Variants in FAM3D observed in about 807,000 individuals in gnomAD.
FAM3D encodes protein FAM3D.
A neutral mutation model predicts 29.8 loss-of-function variants in FAM3D; 26 were observed. The ratio of observed to expected loss-of-function variants is 0.87; its 90% CI spans 0.64 to 1.21. The LOEUF is 1.21. Ranked by LOEUF, FAM3D falls within the 50% of genes most tolerant of loss-of-function variation. The pLI, the probability that FAM3D is intolerant of heterozygous loss-of-function variation, is 0.00. For missense variants in FAM3D, 253 were observed against 290.9 expected (o/e 0.87, Z 0.95); for synonymous variants, 115 against 102.3 (o/e 1.12, Z -0.75).
rs759433269 is a variant in FAM3D, at chr3:58,655,573, G to T, written c.-10C>A. ...TACCTGACACTCTCATCCTGTCCAG[G>T]TGAAGGGTGGCTTGGGGTCAGCTTC... On this transcript the variant is annotated 5_prime_UTR_variant, in exon 2 of 10. Coordinates refer to ENST00000358781, the MANE Select transcript of FAM3D (RefSeq NM_138805.3). The T allele has an allele frequency of 1.9e-6, 3 of 1,613,216 alleles. No homozygotes were observed. The South Asian group carries it at 3.3e-5, about 18-fold the overall frequency.
chr3:58,651,431 C>T (rs1416715523), intron 3 of FAM3D, among the ~76,000 whole-genome samples: 1 of 152,128 alleles, frequency 6.6e-6, no homozygotes, highest in Non-Finnish European at 1.5e-5. Flanking sequence ...CATTTCCTGC[C>T]ATTGTAAACA....
At chr3:58,659,868 A>G (rs1026952) in intron 1 of FAM3D, among the ~76,000 whole-genome samples, 60,285 of 151,944 alleles carry the variant, frequency 0.4, 12,913 homozygotes, top group Middle Eastern at 0.51. Flanking sequence ...AGACTCTAGG[A>G]CCTAACTAGT....
chr3:58,665,295 C>G (rs371218729), intron 1 of FAM3D, among the ~76,000 whole-genome samples: 1 of 151,972 alleles, frequency 6.6e-6, no homozygotes, highest in East Asian at 1.9e-4. Context: ...GCTACTACCC[C>G]TTTCCTGCTT....
chr3:58,652,363 C>T (rs1484231662), intron 3 of FAM3D, among the ~76,000 whole-genome samples: 1 of 140,934 alleles, frequency 7.1e-6, no homozygotes, highest in African/African-American at 2.6e-5. Context: ...AGCATCCTTC[C>T]ACCTGTCCAT....
intron 1 of FAM3D, among the ~76,000 whole-genome samples, chr3:58,665,263 C>G (rs868098185): frequency 3.3e-5 from 5 of 152,076 alleles, no homozygotes; most frequent in Admixed American, 6.5e-5. Flanking sequence ...AACAACCTCA[C>G]TGACTTCACC....
intron 5 of FAM3D, 70 bp from the exon 6 acceptor site, chr3:58,643,790 G>A: frequency 6.9e-7 from 1 of 1,455,332 alleles, no homozygotes; most frequent in Non-Finnish European, 9.7e-7. Flanking sequence ...TCTCCCAGCT[G>A]GGGAACTCCG....
At chr3:58,636,565 G>C (rs1055107109) in intron 8 of FAM3D, 145 bp from the exon 9 acceptor site, 4 of 1,165,300 alleles carry the variant, frequency 3.4e-6, no homozygotes, top group African/African-American at 1.5e-5. Flanking sequence ...GCTGCACTCA[G>C]GAAGGACAGG....
chr3:58,643,236 C>A (rs550401812), intron 6 of FAM3D, among the ~76,000 whole-genome samples: 2 of 152,336 alleles, frequency 1.3e-5, no homozygotes, highest in African/African-American at 4.8e-5. Flanking sequence ...GGCTGACCCC[C>A]AGTGTCCTGT....
chr3:58,640,028 C>A, intron 7 of FAM3D, 99 bp downstream of exon 7: 1 of 1,317,942 alleles, frequency 7.6e-7, no homozygotes, highest in African/African-American at 1.4e-5. Context: ...GAAAGAAGCA[C>A]CAGGTACCTC....
intron 1 of FAM3D, among the ~76,000 whole-genome samples, chr3:58,662,011 G>A (rs764981744): frequency 6.6e-6 from 1 of 152,178 alleles, no homozygotes; most frequent in South Asian, 2.1e-4. Flanking sequence ...TGTCTGAGGG[G>A]ATGGGGGAAA....
rs146996854 is a variant in FAM3D, at chr3:58,637,189, G to A, written c.410C>T (p.Pro137Leu). The change falls in exon 8 of 10, where the codon CCG becomes CTG. Residue 137 changes from proline (P) to leucine (L), a missense_variant. By Grantham distance (98) the Pro-to-Leu change is moderately conservative. Coordinates refer to ENST00000358781, the MANE Select transcript of FAM3D (RefSeq NM_138805.3). ...MHLVKFLKEI[P>L]GGALVLVASY... ...GGCCACCAGCACCAGTGCACCCCCC[G>A]GAATTTCTTTAAGGAATTTCACTAG... 90 of 1,613,904 alleles carry A rather than the reference G, an allele frequency of 5.6e-5. No homozygotes were observed. The Admixed American group carries it at 8.2e-4, about 15-fold the overall frequency.
At chr3:58,640,919 T>C (rs976078548) in intron 6 of FAM3D, among the ~76,000 whole-genome samples, 2 of 152,174 alleles carry the variant, frequency 1.3e-5, no homozygotes, top group African/African-American at 4.8e-5. Context: ...TCCAGGATTC[T>C]CGGGAGCCAC....
At chr3:58,651,841 G>T (rs2066645589) in intron 3 of FAM3D, among the ~76,000 whole-genome samples, 1 of 148,812 alleles carries the variant, frequency 6.7e-6, no homozygotes, top group Non-Finnish European at 1.5e-5. Context: ...GGTGGGGGGC[G>T]CGGGGGTGGG....
chr3:58,655,272 A>T (rs1022915876), intron 2 of FAM3D, among the ~76,000 whole-genome samples: 4 of 152,160 alleles, frequency 2.6e-5, no homozygotes, highest in African/African-American at 9.7e-5. Flanking sequence ...TCCTCGAGGT[A>T]AATATTTTTG....
intron 3 of FAM3D, among the ~76,000 whole-genome samples, chr3:58,650,973 T>G (rs2066621191): frequency 6.7e-6 from 1 of 149,636 alleles, no homozygotes; most frequent in African/African-American, 2.4e-5. Context: ...CGCCTCGGCA[T>G]CCCAAAGTGC....
At chr3:58,646,563 C>T (rs904089236) in intron 4 of FAM3D, among the ~76,000 whole-genome samples, 1 of 152,216 alleles carries the variant, frequency 6.6e-6, no homozygotes, top group Non-Finnish European at 1.5e-5. Context: ...CACCCGCTGA[C>T]AGTTTGGAAG....
intron 1 of FAM3D, among the ~76,000 whole-genome samples, chr3:58,663,821 C>G (rs2066978485): frequency 6.6e-6 from 1 of 152,194 alleles, no homozygotes; most frequent in South Asian, 2.1e-4. Context: ...CTCCCAGCCT[C>G]TCCCCGGCCC....
chr3:58,661,380 G>A (rs139281186), intron 1 of FAM3D, among the ~76,000 whole-genome samples: 4 of 152,276 alleles, frequency 2.6e-5, no homozygotes, highest in East Asian at 1.9e-4. Context: ...TACCCTCCTC[G>A]GGGGGTGGCT....
chr3:58,655,618 A>C lies in FAM3D; in HGVS notation c.-38-17T>G. 1 of 1,602,066 alleles carries C rather than the reference A, an allele frequency of 6.2e-7. No individual in the cohort carries two copies. The highest frequency in any genetic ancestry group is 8.5e-7 in the Non-Finnish European group (1 of 1,172,168). On this transcript the variant is annotated splice_polypyrimidine_tract_variant and intron_variant, in intron 1 of 9. Transcript: ENST00000358781. ...AGCTTCCACCTATGGAGAGAAGAAAATCCAGTCGGAAACTGGCATCAGGTC... is the reference window on the plus strand; with the variant it reads ...AGCTTCCACCTATGGAGAGAAGAAACTCCAGTCGGAAACTGGCATCAGGTC...
Sources: gnomAD v4.1 joint callset for allele counts (sites outside exome capture counted in the v4.1 genomes callset) on GRCh38, gnomAD v4.1.1 for gene constraint, MANE v1.5 for transcripts, NCBI Gene and HGNC (gene_info 2026-07-23, HGNC 2026-07-21) for gene names.